STAM2: variants seen among roughly 807,000 people sequenced by gnomAD.
STAM2 encodes the protein signal transducing adapter molecule 2.
A neutral mutation model predicts 65.6 loss-of-function variants in STAM2; 51 were observed. The ratio of observed to expected loss-of-function variants is 0.78; its 90% confidence interval spans 0.62 to 0.98. STAM2 has a LOEUF of 0.98. Among genes scored for constraint, STAM2 ranks in the 50% least tolerant of loss-of-function variants. The pLI is 0.00. For missense variants in STAM2, 584 were observed against 617.8 expected (o/e 0.95, Z 0.58); for synonymous variants, 198 against 208.4 (o/e 0.95, Z 0.43).
intron 1 of STAM2, among the ~76,000 whole-genome samples, chr2:152,172,671 C>A (rs910868263): frequency 1.3e-5 from 2 of 151,838 alleles, no homozygotes; most frequent in African/African-American, 4.8e-5. Context: ...GAGTTCAAGA[C>A]CAGCCTGGCC....
At chr2:152,161,337 A>G (rs888128273) in intron 1 of STAM2, among the ~76,000 whole-genome samples, 2 of 151,056 alleles carry the variant, frequency 1.3e-5, no homozygotes, top group African/African-American at 4.9e-5. Context: ...CCTAATCTCA[A>G]GTACCCAGGG....
intron 1 of STAM2, among the ~76,000 whole-genome samples, chr2:152,151,082 C>T (rs551495634): frequency 2.0e-5 from 3 of 150,200 alleles, no homozygotes; most frequent in Non-Finnish European, 4.4e-5. Flanking sequence ...ATTAAATGAA[C>T]AAAAATTTAT....
At chr2:152,165,038 A>C (rs1689751150) in intron 1 of STAM2, among the ~76,000 whole-genome samples, 1 of 152,152 alleles carries the variant, frequency 6.6e-6, no homozygotes, top group South Asian at 2.1e-4. Flanking sequence ...CTTACTCAGG[A>C]GACAGGGCAG....
chr2:152,155,880 A>T (rs925933272), intron 1 of STAM2, among the ~76,000 whole-genome samples: 3 of 152,196 alleles, frequency 2.0e-5, no homozygotes, highest in Non-Finnish European at 4.4e-5. Flanking sequence ...GAACAGAAAA[A>T]TATTTTTACG....
chr2:152,135,515 C>A lies in STAM2; in HGVS notation c.793G>T (p.Glu265Ter). The change falls in exon 8 of 14, where the codon GAG becomes TAG. Residue 265 changes from glutamate to a stop codon, truncating the protein, a stop_gained. Coordinates refer to ENST00000263904, the MANE Select transcript of STAM2 (RefSeq NM_005843.6). LOFTEE classifies it high-confidence loss of function. ...FVTTNLNIETEAAAVDKLNVI... is the reference protein window; with the variant it reads ...FVTTNLNIET Reference sequence around the variant, plus strand: ...CGTCTAAGATTTAACTTACCTGCCTCAGTCTCTATGTTTAAATTAGTTGTT... The same window carrying A: ...CGTCTAAGATTTAACTTACCTGCCTAAGTCTCTATGTTTAAATTAGTTGTT... 2 of 1,604,422 alleles carry A rather than the reference C, an allele frequency of 1.2e-6. No homozygotes were observed. Among genetic ancestry groups the A allele is most frequent in the Non-Finnish European group, 8.5e-7 (1 of 1,173,992 alleles).
In STAM2 at chr2:152,117,431, T is replaced by A. The variant is rs535482278; in HGVS notation, c.*3143A>T. The A allele has an allele frequency of 6.6e-6, 1 of 152,186 alleles. No individual in the cohort carries two copies. Among genetic ancestry groups the A allele is most frequent in the Non-Finnish European group, 1.5e-5 (1 of 68,024 alleles). The allele number at this position is 152,186 out of a possible 1,614,324, so 9.4% of individuals were successfully genotyped here. On this transcript the variant is annotated 3_prime_UTR_variant, in exon 14 of 14. Coordinates refer to ENST00000263904, the MANE Select transcript of STAM2 (RefSeq NM_005843.6). Reference sequence around the variant, plus strand: ...ATCTCAGGCTCCCAAAGTGCTGGGATTATAGGCATGAGCCACTGTATCTGG... The same window carrying A: ...ATCTCAGGCTCCCAAAGTGCTGGGAATATAGGCATGAGCCACTGTATCTGG...
At chr2:152,151,772 T>C (rs559872614) in intron 1 of STAM2, among the ~76,000 whole-genome samples, 3 of 152,368 alleles carry the variant, frequency 2.0e-5, no homozygotes, top group African/African-American at 7.2e-5. Flanking sequence ...ACAATATATG[T>C]TCTTTTCTGA....
chr2:152,127,421 A>T (rs1688981323), intron 11 of STAM2, among the ~76,000 whole-genome samples: 1 of 152,218 alleles, frequency 6.6e-6, no homozygotes, highest in Non-Finnish European at 1.5e-5. Flanking sequence ...TATTAAAAAG[A>T]AAATTCTCAA....
At chr2:152,134,384 T>G (rs1689115494) in intron 8 of STAM2, among the ~76,000 whole-genome samples, 1 of 152,188 alleles carries the variant, frequency 6.6e-6, no homozygotes. Flanking sequence ...TAAAGGTATC[T>G]CCAATATTCC....
At position 152,143,954 on chromosome 2, in the gene STAM2, G is replaced by C. The variant is rs1169211691; in HGVS notation, c.577C>G (p.Pro193Ala). 4 of 1,613,664 alleles carry C rather than the reference G, an allele frequency of 2.5e-6. No homozygotes were observed. Among genetic ancestry groups the C allele is most frequent in the Non-Finnish European group, 3.4e-6 (4 of 1,179,830 alleles). ...TTATTTAACTGAATTTCTGAAGATG[G>C]ATATAAGGATTTTGTTTCTGTGTGT... ...QQHTETKSLYPSSEIQLNNKV... is the reference protein window; with the variant it reads ...QQHTETKSLYASSEIQLNNKV... Residue 193 changes from proline to alanine, a missense_variant, in exon 7 of 14, where the codon CCA (proline) becomes GCA (alanine). Pro to Ala is a conservative substitution (Grantham distance 27). Coordinates refer to ENST00000263904, the MANE Select transcript of STAM2 (RefSeq NM_005843.6).
chr2:152,160,668 C>T (rs1315255828), intron 1 of STAM2, among the ~76,000 whole-genome samples: 1 of 150,222 alleles, frequency 6.7e-6, no homozygotes, highest in Non-Finnish European at 1.5e-5. Context: ...AGCCCCCCGC[C>T]CGGCCAGCCA....
At chr2:152,155,402 C>G (rs1390825640) in intron 1 of STAM2, among the ~76,000 whole-genome samples, 2 of 152,192 alleles carry the variant, frequency 1.3e-5, no homozygotes, top group Non-Finnish European at 2.9e-5. Flanking sequence ...GCTGAGCATA[C>G]AAATATTCAA....
intron 8 of STAM2, among the ~76,000 whole-genome samples, chr2:152,134,064 T>G (rs377393674): frequency 6.6e-6 from 1 of 151,868 alleles, no homozygotes; most frequent in South Asian, 2.1e-4. Context: ...GAAAAAAAAC[T>G]TACAAATACA....
At chr2:152,130,995 C>A (rs1225849005) in intron 11 of STAM2, among the ~76,000 whole-genome samples, 56 of 93,846 alleles carry the variant, frequency 6.0e-4, no homozygotes, top group African/African-American at 1.8e-3. Context: ...GACTCCATCT[C>A]AAAAAAAAAA....
intron 1 of STAM2, among the ~76,000 whole-genome samples, chr2:152,160,593 A>C (rs34550644): frequency 3.5e-5 from 5 of 143,480 alleles, no homozygotes; most frequent in Non-Finnish European, 7.6e-5. Flanking sequence ...CGCTCCGTCC[A>C]GGAGGGAGGT....
intron 1 of STAM2, among the ~76,000 whole-genome samples, chr2:152,156,549 G>A (rs1689549849): frequency 6.6e-6 from 1 of 152,154 alleles, no homozygotes; most frequent in South Asian, 2.1e-4. Flanking sequence ...GGCATTTGGT[G>A]GGTGTAAGTC....
In STAM2 at chr2:152,149,592, G is replaced by C. The variant is rs190535386; in HGVS notation, c.125+553C>G. Among the ~76,000 whole-genome samples the C allele has an allele frequency of 3.5e-3, 526 of 151,554 alleles. 1 individual carries two copies. The highest frequency in any genetic ancestry group is 5.0e-3 in the Non-Finnish European group (342 of 67,910). The stretch of plus-strand genomic sequence containing the variant: ...GGCTCACTGCAAGCTCTGCCTCCTG[G>C]GTTCAAGCGATTTTCCTGTCTCAGC... On this transcript the variant is annotated intron_variant, in intron 2 of 13. Coordinates refer to ENST00000263904, the MANE Select transcript of STAM2 (RefSeq NM_005843.6).
chr2:152,123,787 G>A lies in STAM2; in HGVS notation c.1328C>T (p.Pro443Leu), dbSNP rs1264258534. 1 of 1,613,986 alleles carries A rather than the reference G, an allele frequency of 6.2e-7. No homozygotes were observed. The highest frequency in any genetic ancestry group is 2.2e-5 in the East Asian group (1 of 44,884). ...PNVNSSVTAQ[P>L]AQTSYLSTGQ... Reference sequence around the variant, plus strand: ...TTACCTTAAATATGAAGTTTGAGCAGGCTGTGCTGTCACTGAGGAATTCAC... The same window carrying A: ...TTACCTTAAATATGAAGTTTGAGCAAGCTGTGCTGTCACTGAGGAATTCAC... Residue 443 changes from proline to leucine, a missense_variant, in exon 13 of 14, where the codon CCT becomes CTT. Transcript: ENST00000263904.
chr2:152,157,317 T>C (rs1689572407), intron 1 of STAM2, among the ~76,000 whole-genome samples: 1 of 152,222 alleles, frequency 6.6e-6, no homozygotes, highest in South Asian at 2.1e-4. Context: ...CTATTATGCA[T>C]GGAATGTTTG....
Sources: allele counts gnomAD v4.1 joint callset (sites outside exome capture counted in the v4.1 genomes callset), GRCh38; gene constraint gnomAD v4.1.1; transcripts MANE v1.5; gene names NCBI Gene and HGNC (gene_info 2026-07-23, HGNC 2026-07-21).